Variants in STAT5A observed in about 807,000 individuals in gnomAD.
STAT5A encodes epididymis secretory sperm binding protein.
A neutral mutation model predicts 100.2 loss-of-function variants in STAT5A; 26 were observed. The ratio of observed to expected loss-of-function variants is 0.26; its 90% CI spans 0.19 to 0.36. STAT5A has a LOEUF of 0.36. Ranked by LOEUF, STAT5A falls within the 10% of genes least tolerant of loss-of-function variation. The pLI is 1.00. For synonymous variants in STAT5A, 330 were observed against 424.3 expected (o/e 0.78, Z 2.73); for missense variants, 634 against 1,027.5 (o/e 0.62, Z 5.24).
rs531829431 is a variant in STAT5A at position 42,295,881 on chromosome 17, C to T, written c.550+88C>T. ...CTAGAGGGTAGAGCTGGGTCAGTGT[C>T]CATCTCCTCAGCACTTTGCCCAAAG... is the stretch of plus-strand genomic sequence containing the variant. On this transcript the variant is annotated intron_variant, in intron 5 of 18. Transcript: ENST00000590949. 8 of 1,547,396 alleles carry T rather than the reference C, an allele frequency of 5.2e-6. No individual in the cohort carries two copies. The African/African-American group carries it at 8.2e-5, about 16-fold the overall frequency.
chr17:42,301,891 AG>A (rs1305095895), intron 9 of STAT5A, among the ~76,000 whole-genome samples: 6 of 152,218 alleles, frequency 3.9e-5, no homozygotes, highest in Non-Finnish European at 5.9e-5. Flanking sequence ...GTGCTAGGCT[AG>A]ATGCCGTGGC....
At position 42,310,687 on chromosome 17, in the gene STAT5A, TTC is replaced by T. The variant is rs1169899729; in HGVS notation, c.*22_*23del. 3 of 1,613,700 alleles carry T rather than the reference TTC, an allele frequency of 1.9e-6. No individual in the cohort carries two copies. The highest frequency in any genetic ancestry group is 2.7e-5 in the African/African-American group (2 of 74,928). On this transcript the variant is annotated 3_prime_UTR_variant, in exon 19 of 19. Transcript: ENST00000590949. ...TCTCATGAATGTTTGAATCCCACGC[TTC>T]TCTTTGGAAACAATATGCAATGTGA...
In STAT5A at chr17:42,296,315, T is replaced by C. The variant is rs776309296; in HGVS notation, c.550+522T>C. 6.6e-4 allele frequency among the ~76,000 whole-genome samples: 101 copies of C among 152,066 alleles called. 1 individual carries two copies. Among genetic ancestry groups the C allele is most frequent in the Non-Finnish European group, 1.3e-3 (88 of 68,000 alleles). On this transcript the variant is annotated intron_variant, in intron 5 of 18. Transcript: ENST00000590949. The stretch of plus-strand genomic sequence containing the variant: ...CTTCTTGAGCCTCACGGATAGGATG[T>C]GGGCCTGGGGGAAGGGGTGACAGTA...
intron 5 of STAT5A, 24 bp from the exon 6 acceptor site, chr17:42,299,727 A>G (rs776835508): frequency 6.2e-7 from 1 of 1,614,134 alleles, no homozygotes; most frequent in South Asian, 1.1e-5. Flanking sequence ...GGTGATGGTC[A>G]TGGTTTCCTC....
intron 9 of STAT5A, 55 bp downstream of exon 9, chr17:42,301,509 C>T (rs1368763678): frequency 6.3e-7 from 1 of 1,599,738 alleles, no homozygotes; most frequent in Admixed American, 1.7e-5. Context: ...GACCTGCACC[C>T]CCCGCTTTGT....
Position 42,299,857 on chromosome 17 carries a change from A to C in STAT5A, c.657A>C (p.Ala219=). 5 of 1,611,022 alleles carry C rather than the reference A, an allele frequency of 3.1e-6. No individual in the cohort carries two copies. Among genetic ancestry groups the C allele is most frequent in the Non-Finnish European group, 4.2e-6 (5 of 1,179,294 alleles). The change falls in exon 6 of 19, where the codon GCA becomes GCC. Residue 219 remains alanine (A), a synonymous_variant. Transcript: ENST00000590949. ...VSLEAWLQRE[A]QTLQQYRVEL... is the part of the protein sequence containing the mutation. ...TGGAGGCCTGGTTGCAGCGTGAGGC[A>C]CAGACACTGCAGCAGTACCGCGTGG...
chr17:42,307,632 C>T lies in STAT5A; in HGVS notation c.1815C>T (p.Asp605=). Reference sequence around the variant, plus strand: ...TTGTGAATAAGCAACAGGCCCACGACCTGCTCATCAACAAGCCCGACGGGA... The same window carrying T: ...TTGTGAATAAGCAACAGGCCCACGATCTGCTCATCAACAAGCCCGACGGGA... ...LGFVNKQQAH[D]LLINKPDGTF... Residue 605 remains aspartate (D), a synonymous_variant, in exon 15 of 19, where the codon GAC becomes GAT. Coordinates refer to ENST00000590949, the MANE Select transcript of STAT5A (RefSeq NM_001288718.2). The T allele has an allele frequency of 6.2e-7, 1 of 1,614,148 alleles. No homozygotes were observed. Among genetic ancestry groups the T allele is most frequent in the Non-Finnish European group, 8.5e-7 (1 of 1,180,022 alleles).
chr17:42,305,525 A>C, intron 11 of STAT5A, 85 bp from the exon 12 acceptor site: 2 of 1,157,626 alleles, frequency 1.7e-6, no homozygotes, highest in Non-Finnish European at 2.5e-6. Flanking sequence ...ACATAAAAAA[A>C]AATAAAGCAG....
rs1399726035 is a variant in STAT5A at position 42,308,907 on chromosome 17, TG to T, written c.2063-135del. 8.6e-6 allele frequency: 9 copies of T among 1,049,676 alleles called. No individual in the cohort carries two copies. The highest frequency in any genetic ancestry group is 1.3e-5 in the Non-Finnish European group (9 of 690,782). The allele number at this position is 1,049,676 out of a possible 1,614,324, so 65.0% of individuals were successfully genotyped here. A position where few individuals can be genotyped will look rare whatever the true frequency, so the allele number is the denominator to read the frequency against. On this transcript the variant is annotated intron_variant, in intron 16 of 18. Coordinates refer to ENST00000590949, the MANE Select transcript of STAT5A (RefSeq NM_001288718.2). This position sits in a 1 kb window ranked among gnomAD's most constrained non-coding sequence, Gnocchi z 4.6. ...GCAGGATTCATCAGCTGGTGTTTAT[TG>T]GGGGTCCTTGGGAAATCTCATCCCA... is the stretch of plus-strand genomic sequence containing the variant.
At chr17:42,298,138 C>T (rs138621875) in intron 5 of STAT5A, among the ~76,000 whole-genome samples, 5,159 of 151,280 alleles carry the variant, frequency 0.034, 268 homozygotes, top group African/African-American at 0.1. Flanking sequence ...TGTTCCACAT[C>T]CCCTGTGTCT....
At chr17:42,306,545 C>G (rs907481878) in intron 13 of STAT5A, 98 bp downstream of exon 13, 31 of 1,527,636 alleles carry the variant, frequency 2.0e-5, no homozygotes, top group Middle Eastern at 1.7e-4. Context: ...GCACCCCACT[C>G]TCCACCCCCA....
intron 3 of STAT5A, 40 bp from the exon 4 acceptor site, chr17:42,291,932 G>A (rs1209750679): frequency 1.2e-6 from 2 of 1,606,844 alleles, no homozygotes; most frequent in South Asian, 1.1e-5. Context: ...CATGGCTGGA[G>A]CAGAGGATGG....
intron 4 of STAT5A, among the ~76,000 whole-genome samples, chr17:42,292,925 G>A (rs2080885148): frequency 6.6e-6 from 1 of 152,200 alleles, no homozygotes; most frequent in South Asian, 2.1e-4. Flanking sequence ...ACCGTGCCCG[G>A]CCTGTTCCTA....
chr17:42,292,087 G>T, intron 4 of STAT5A, 26 bp downstream of exon 4: 1 of 1,612,570 alleles, frequency 6.2e-7, no homozygotes, highest in Non-Finnish European at 8.5e-7. Flanking sequence ...GGATGGGGAG[G>T]AGTGTTGAGA....
Position 42,304,707 on chromosome 17 carries a change from G to C in STAT5A, c.1380+55G>C. The C allele has an allele frequency of 6.2e-7, 1 of 1,605,808 alleles. No homozygotes were observed. The highest frequency in any genetic ancestry group is 8.5e-7 in the Non-Finnish European group (1 of 1,175,528). On this transcript the variant is annotated intron_variant, in intron 11 of 18. Transcript: ENST00000590949. The surrounding 1 kb of genome is among the most constrained non-coding windows in gnomAD (Gnocchi z 4.8). ...GCTCCAGGTCACCCAAGAGGTGGAG[G>C]GGCCTGCCTCAGGACTCCTGGCAGC...
chr17:42,308,412 C>T lies in STAT5A; in HGVS notation c.2062+79C>T, dbSNP rs760459010. The T allele has an allele frequency of 7.7e-5, 123 of 1,598,944 alleles. No homozygotes were observed. The highest frequency in any genetic ancestry group is 9.6e-5 in the Non-Finnish European group (112 of 1,171,538). On this transcript the variant is annotated intron_variant, in intron 16 of 18. Coordinates refer to ENST00000590949, the MANE Select transcript of STAT5A (RefSeq NM_001288718.2). This position sits in a 1 kb window ranked among gnomAD's most constrained non-coding sequence, Gnocchi z 4.6. ...CCATAGACAAAGCCTTGGGCTGCGCCGTGGGGACTTCCCCAGGAGGAGCCT... is the reference window on the plus strand; with the variant it reads ...CCATAGACAAAGCCTTGGGCTGCGCTGTGGGGACTTCCCCAGGAGGAGCCT...
chr17:42,302,908 T>C (rs1268441583), intron 9 of STAT5A, among the ~76,000 whole-genome samples: 2 of 151,346 alleles, frequency 1.3e-5, no homozygotes, highest in African/African-American at 4.9e-5. Context: ...TGAGCCAAGA[T>C]TGTGCCACTG....
Position 42,304,222 on chromosome 17 carries a change from A to T in STAT5A, c.1170-120A>T. ...AGACGCCAAGAAACACTCTTAGGGG[A>T]TACGGGGCAGGGGCTGCTGGCAGGG... On this transcript the variant is annotated intron_variant, in intron 9 of 18. Transcript: ENST00000590949. This position sits in a 1 kb window ranked among gnomAD's most constrained non-coding sequence, Gnocchi z 4.8. 1.1e-6 allele frequency: 1 copy of T among 881,762 alleles called. No individual in the cohort carries two copies. The highest frequency in any genetic ancestry group is 2.6e-5 in the East Asian group (1 of 38,262). The allele number at this position is 881,762 out of a possible 1,614,324, so 54.6% of individuals were successfully genotyped here. A position where few individuals can be genotyped will look rare whatever the true frequency, so the allele number is the denominator to read the frequency against.
At chr17:42,296,874 A>C (rs1316885863) in intron 5 of STAT5A, among the ~76,000 whole-genome samples, 2 of 152,226 alleles carry the variant, frequency 1.3e-5, no homozygotes, top group East Asian at 1.9e-4. Flanking sequence ...CTTTGTGTAC[A>C]CTGAGACCAG....
Sources: gnomAD v4.1 joint callset for allele counts (sites outside exome capture counted in the v4.1 genomes callset) on GRCh38, gnomAD v4.1.1 for gene constraint, Gnocchi (gnomAD v3.1) non-coding constraint, MANE v1.5 for transcripts, NCBI Gene and HGNC (gene_info 2026-07-23, HGNC 2026-07-21) for gene names.